The following SYT7 variants were observed in gnomAD, a reference collection of about 807,000 sequenced individuals.
SYT7 encodes the protein synaptotagmin-7.
SYT7 carries 29 observed loss-of-function variants against 75.1 expected under a neutral mutation model. The ratio of observed to expected loss-of-function variants is 0.39; its 90% confidence interval spans 0.29 to 0.53. The LOEUF (loss-of-function observed/expected upper bound fraction) is 0.53, where lower values mean the gene tolerates loss of function less well. SYT7 is among the 20% of genes least tolerant of loss of function. The pLI, the probability that SYT7 is intolerant of heterozygous loss-of-function variation, is 0.77. For missense variants in SYT7, 693 were observed against 953.2 expected, an observed-to-expected ratio of 0.73 and a Z score of 3.59; for synonymous variants, 376 against 401.7, an observed-to-expected ratio of 0.94 and a Z score of 0.76.
rs1328345405 is a variant in SYT7 at position 61,542,862 on chromosome 11, C to A, written c.573-283G>T. Among the ~76,000 whole-genome samples, 1 of 152,226 alleles carries A rather than the reference C, an allele frequency of 6.6e-6. No homozygotes were observed. The highest frequency in any genetic ancestry group is 1.9e-4 in the East Asian group (1 of 5,194). On this transcript the variant is annotated intron_variant, in intron 5 of 12. Coordinates refer to ENST00000539008, the MANE Select transcript of SYT7 (RefSeq NM_001365809.2). This position sits in a 1 kb window ranked among gnomAD's most constrained non-coding sequence, Gnocchi z 7.8. ...CCAGAATACCTCCTGGCTAGGCCGA[C>A]CTCCCTGCCGGTCTGAGTGGGCTGC...
intron 1 of SYT7, among the ~76,000 whole-genome samples, chr11:61,572,050 AG>A (rs1173595117): frequency 1.3e-5 from 2 of 152,108 alleles, no homozygotes; most frequent in East Asian, 3.9e-4. Flanking sequence ...CTCAGCTGAC[AG>A]GCTGTGAAAT....
rs2064253169 is a variant in SYT7, at chr11:61,581,008, G to A, written c.-188C>T. 4.0e-6 allele frequency: 2 copies of A among 499,744 alleles called. No homozygotes were observed. The highest frequency in any genetic ancestry group is 5.1e-6 in the Non-Finnish European group (2 of 393,270). 31.0% of individuals were successfully genotyped at this position (499,744 alleles called of 1,614,324 possible). On this transcript the variant is annotated 5_prime_UTR_variant, in exon 1 of 13. Transcript: ENST00000539008. ...CGCCCGCCAGCCCTCCCGCCCGCCC[G>A]CGGAGCACGCTGCCGCCGCCGCCGA... is the stretch of plus-strand genomic sequence containing the variant.
rs940825600 is a variant in SYT7 at position 61,580,132 on chromosome 11, T to C, written c.31+658A>G. On this transcript the variant is annotated intron_variant, in intron 1 of 12. Transcript: ENST00000539008. This position sits in a 1 kb window ranked among gnomAD's most constrained non-coding sequence, Gnocchi z 6.1. ...CCCCAGGACGGGAGAGAGTTTGGGGTTGTTTGCTTCCCCCTCCCCAAACCT... is the reference window on the plus strand; with the variant it reads ...CCCCAGGACGGGAGAGAGTTTGGGGCTGTTTGCTTCCCCCTCCCCAAACCT... Among the ~76,000 whole-genome samples the C allele has an allele frequency of 6.9e-6, 1 of 145,908 alleles. No homozygotes were observed. The highest frequency in any genetic ancestry group is 1.5e-5 in the Non-Finnish European group (1 of 66,674).
Position 61,516,157 on chromosome 11 carries a change from C to G in SYT7, c.*2470G>C, listed in dbSNP as rs1372304089. 3 of 151,176 alleles carry G rather than the reference C, an allele frequency of 2.0e-5. No homozygotes were observed. The highest frequency in any genetic ancestry group is 4.9e-5 in the African/African-American group (2 of 40,752). 9.4% of individuals were successfully genotyped at this position (151,176 alleles called of 1,614,324 possible). ...CCCCATTCTCTGCTCTCCTATTGCC[C>G]TAGACCGCCCCCGCCCCATCCCATA... On this transcript the variant is annotated 3_prime_UTR_variant, in exon 13 of 13. Transcript: ENST00000539008. The surrounding 1 kb of genome is among the most constrained non-coding windows in gnomAD (Gnocchi z 4.6).
chr11:61,524,245 C>T lies in SYT7; in HGVS notation c.1641+118G>A. On this transcript the variant is annotated intron_variant, in intron 10 of 12. Coordinates refer to ENST00000539008, the MANE Select transcript of SYT7 (RefSeq NM_001365809.2). This position sits in a 1 kb window ranked among gnomAD's most constrained non-coding sequence, Gnocchi z 4.1. ...AGGGCTGAGCTCCATCGGGTCCACC[C>T]ATCTGCACCCTCTCCCACAGCCCTC... 1 of 1,259,006 alleles carries T rather than the reference C, an allele frequency of 7.9e-7. No individual in the cohort carries two copies. The highest frequency in any genetic ancestry group is 1.1e-6 in the Non-Finnish European group (1 of 910,692). The allele number at this position is 1,259,006 out of a possible 1,614,324, so 78.0% of individuals were successfully genotyped here.
At position 61,576,129 on chromosome 11, in the gene SYT7, G is replaced by C. The variant is rs1393723701; in HGVS notation, c.31+4661C>G. ...GGGCACAGTCCAGCCCTTTCCACAA[G>C]TCCCATGCTGTCTGCCAACTCTGTT... On this transcript the variant is annotated intron_variant, in intron 1 of 12. Coordinates refer to ENST00000539008, the MANE Select transcript of SYT7 (RefSeq NM_001365809.2). The surrounding 1 kb of genome is among the most constrained non-coding windows in gnomAD (Gnocchi z 4.1). 1.3e-5 allele frequency among the ~76,000 whole-genome samples: 2 copies of C among 152,194 alleles called. No individual in the cohort carries two copies.
intron 2 of SYT7, among the ~76,000 whole-genome samples, chr11:61,552,487 T>C (rs1230506356): frequency 6.7e-6 from 1 of 149,022 alleles, no homozygotes; most frequent in Non-Finnish European, 1.5e-5. Context: ...CACACACACA[T>C]GCACACACAC....
intron 1 of SYT7, among the ~76,000 whole-genome samples, chr11:61,569,042 G>A (rs2063850265): frequency 6.6e-6 from 1 of 152,078 alleles, no homozygotes; most frequent in Middle Eastern, 3.2e-3. Context: ...GCCAGGCAGG[G>A]AGTCCTAGGG....
rs11230736 is a variant in SYT7 at position 61,537,001 on chromosome 11, T to C, written c.1064+1143A>G. 0.015 allele frequency among the ~76,000 whole-genome samples: 2,263 copies of C among 152,324 alleles called. 187 individuals are homozygous for C. In the East Asian group the frequency reaches 0.22, roughly 15 times the overall value. On this transcript the variant is annotated intron_variant, in intron 7 of 12. Transcript: ENST00000539008. ...AGGGGCCATTCCTTAGAGGTTAGCC[T>C]GTCCAATCCTTCACTGGACAGATAA... is the stretch of plus-strand genomic sequence containing the variant.
chr11:61,561,973 G>A (rs1015757206), intron 1 of SYT7, among the ~76,000 whole-genome samples: 1 of 152,086 alleles, frequency 6.6e-6, no homozygotes, highest in African/African-American at 2.4e-5. Context: ...GGGAGAGGCT[G>A]CAGTGATGAG....
In SYT7 at chr11:61,542,115, G is replaced by T; in HGVS notation, c.941+96C>A. The stretch of plus-strand genomic sequence containing the variant: ...CACCCTGCCAAGGGGATGGAGGGCC[G>T]GGAGGTACACACAACCAGCTGCTCC... On this transcript the variant is annotated intron_variant, in intron 6 of 12. Transcript: ENST00000539008. The surrounding 1 kb of genome is among the most constrained non-coding windows in gnomAD (Gnocchi z 7.8). 7.0e-7 allele frequency: 1 copy of T among 1,434,592 alleles called. No homozygotes were observed. The highest frequency in any genetic ancestry group is 9.2e-7 in the Non-Finnish European group (1 of 1,091,334). 88.9% of individuals were successfully genotyped at this position (1,434,592 alleles called of 1,614,324 possible). A position where few individuals can be genotyped will look rare whatever the true frequency, so the allele number is the denominator to read the frequency against.
At chr11:61,550,800 CG>C (rs1157550807) in intron 3 of SYT7, among the ~76,000 whole-genome samples, 1 of 152,156 alleles carries the variant, frequency 6.6e-6, no homozygotes, top group Non-Finnish European at 1.5e-5. Context: ...GAGGGCTCTA[CG>C]GCAGAACAAG....
intron 12 of SYT7, among the ~76,000 whole-genome samples, chr11:61,519,541 G>C (rs988854509): frequency 9.9e-5 from 15 of 152,244 alleles, no homozygotes; most frequent in African/African-American, 3.4e-4. Context: ...AGAGGGGACA[G>C]GGGAGACATG....
chr11:61,543,673 G>A (rs549903052), intron 5 of SYT7, among the ~76,000 whole-genome samples: 1 of 152,344 alleles, frequency 6.6e-6, no homozygotes, highest in Non-Finnish European at 1.5e-5. Flanking sequence ...AATGAGGTTG[G>A]GCTGTGTTGA....
At chr11:61,525,423 C>T (rs2135080597) in intron 9 of SYT7, among the ~76,000 whole-genome samples, 1 of 152,124 alleles carries the variant, frequency 6.6e-6, no homozygotes, top group South Asian at 2.1e-4. Context: ...GCCACATCGG[C>T]CTCCTTCCTG....
At chr11:61,525,791 A>G (rs1357949824) in intron 9 of SYT7, 2 of 152,300 alleles carry the variant, frequency 1.3e-5, no homozygotes, top group Non-Finnish European at 2.9e-5. Flanking sequence ...AGATGAATCA[A>G]TGCCAATGAA....
At chr11:61,561,511 T>C (rs1405335825) in intron 1 of SYT7, among the ~76,000 whole-genome samples, 6 of 152,068 alleles carry the variant, frequency 3.9e-5, no homozygotes, top group Non-Finnish European at 8.8e-5. Context: ...CCCAAGGAGA[T>C]CTCAGGGTCA....
chr11:61,542,623 AG>A lies in SYT7; in HGVS notation c.573-45del. ...GAGGAGAGAAAGGAGAAGCAGATGA[AG>A]GGATCACAGTGGAAGAGAAAGAAGC... On this transcript the variant is annotated intron_variant, in intron 5 of 12. Coordinates refer to ENST00000539008, the MANE Select transcript of SYT7 (RefSeq NM_001365809.2). The surrounding 1 kb of genome is among the most constrained non-coding windows in gnomAD (Gnocchi z 7.8). 1 of 1,454,484 alleles carries A rather than the reference AG, an allele frequency of 6.9e-7. No homozygotes were observed. Among genetic ancestry groups the A allele is most frequent in the Non-Finnish European group, 9.0e-7 (1 of 1,106,480 alleles). The allele number at this position is 1,454,484 out of a possible 1,614,324, so 90.1% of individuals were successfully genotyped here.
intron 8 of SYT7, chr11:61,531,011 C>T: frequency 1.0e-6 from 1 of 985,464 alleles, no homozygotes; most frequent in Non-Finnish European, 1.2e-6. Flanking sequence ...TCTTCTCAGA[C>T]ACCTCTGCCC....
Sources: allele counts gnomAD v4.1 joint callset (sites outside exome capture counted in the v4.1 genomes callset), GRCh38; gene constraint gnomAD v4.1.1; non-coding constraint Gnocchi (gnomAD v3.1); transcripts MANE v1.5; gene names NCBI Gene and HGNC (gene_info 2026-07-23, HGNC 2026-07-21).